The following MAP2K5 variants were observed in gnomAD, a reference collection of about 807,000 sequenced individuals.
The protein encoded by MAP2K5 is mitogen-activated protein kinase kinase 5.
MAP2K5 carries 49 observed loss-of-function variants against 83.1 expected under a neutral mutation model. The observed-to-expected ratio is 0.59, with a 90% CI of 0.47 to 0.75. MAP2K5 has a LOEUF of 0.75. Ranked by LOEUF, MAP2K5 falls within the 30% of genes least tolerant of loss-of-function variation. The pLI is 0.00. For missense variants in MAP2K5, 457 were observed against 557.5 expected, an observed-to-expected ratio of 0.82 and a Z score of 1.82; for synonymous variants, 202 against 191.8, an observed-to-expected ratio of 1.05 and a Z score of -0.44.
Position 67,749,638 on chromosome 15 carries a change from A to G in MAP2K5, c.1134+1037A>G, listed in dbSNP as rs1178408027. On this transcript the variant is annotated intron_variant, in intron 19 of 21. Transcript: ENST00000178640. The surrounding 1 kb of genome is among the most constrained non-coding windows in gnomAD (Gnocchi z 4.6). Reference sequence around the variant, plus strand: ...TAAGAGTGGGGCTCTAACATCCTTAATGGTTGCATCAGTCAGTCCATATAT... The same window carrying G: ...TAAGAGTGGGGCTCTAACATCCTTAGTGGTTGCATCAGTCAGTCCATATAT... Among the ~76,000 whole-genome samples the G allele has an allele frequency of 2.0e-5, 3 of 152,308 alleles. No individual in the cohort carries two copies. Among genetic ancestry groups the G allele is most frequent in the Admixed American group, 1.3e-4 (2 of 15,296 alleles).
intron 8 of MAP2K5, among the ~76,000 whole-genome samples, chr15:67,601,223 CCT>C (rs1161610904): frequency 1.3e-5 from 2 of 152,114 alleles, no homozygotes; most frequent in Non-Finnish European, 2.9e-5. Context: ...ACCCTACTCC[CCT>C]GAGATAATTT....
chr15:67,748,542 T>C lies in MAP2K5; in HGVS notation c.1102-27T>C, dbSNP rs777473373. ...AAAGATATTGCATAGAGGCTAATAC[T>C]TTTTCCTCTCTTCTTTTCCATTGCA... On this transcript the variant is annotated intron_variant, in intron 18 of 21. Coordinates refer to ENST00000178640, the MANE Select transcript of MAP2K5 (RefSeq NM_145160.3). This position sits in a 1 kb window ranked among gnomAD's most constrained non-coding sequence, Gnocchi z 4.0. 6.2e-7 allele frequency: 1 copy of C among 1,608,676 alleles called. No individual in the cohort carries two copies. The highest frequency in any genetic ancestry group is 8.5e-7 in the Non-Finnish European group (1 of 1,175,266).
At position 67,760,050 on chromosome 15, in the gene MAP2K5, A is replaced by T. The variant is rs1249647251; in HGVS notation, c.1135-9552A>T. ...ATGTAAGGCAATCTTTAGAAATCTA[A>T]TACCTTCTTTGAAAAGTCCAGTGTG... On this transcript the variant is annotated intron_variant, in intron 19 of 21. Transcript: ENST00000178640. This position sits in a 1 kb window ranked among gnomAD's most constrained non-coding sequence, Gnocchi z 4.1. 6.6e-6 allele frequency among the ~76,000 whole-genome samples: 1 copy of T among 152,250 alleles called. No homozygotes were observed. The highest frequency in any genetic ancestry group is 1.5e-5 in the Non-Finnish European group (1 of 68,046).
At chr15:67,603,174 A>C (rs1461888602) in intron 8 of MAP2K5, among the ~76,000 whole-genome samples, 1 of 152,230 alleles carries the variant, frequency 6.6e-6, no homozygotes, top group Admixed American at 6.5e-5. Context: ...AACACCATTC[A>C]TCCACAGAAC....
intron 17 of MAP2K5, among the ~76,000 whole-genome samples, chr15:67,742,424 A>G (rs549313812): frequency 1.4e-4 from 21 of 152,344 alleles, no homozygotes; most frequent in African/African-American, 3.4e-4. Flanking sequence ...ACATTTTGAA[A>G]CATTAAAATG....
intron 11 of MAP2K5, among the ~76,000 whole-genome samples, chr15:67,646,761 T>G (rs2086840449): frequency 6.6e-6 from 1 of 152,206 alleles, no homozygotes. Context: ...CAATCTGTCT[T>G]TACTTGCAAA....
At chr15:67,618,052 A>G (rs1051949440) in intron 8 of MAP2K5, among the ~76,000 whole-genome samples, 3 of 152,206 alleles carry the variant, frequency 2.0e-5, no homozygotes, top group Non-Finnish European at 4.4e-5. Flanking sequence ...GTAATGATGT[A>G]TCTTTTAATA....
At chr15:67,659,695 T>G (rs753632890) in intron 12 of MAP2K5, among the ~76,000 whole-genome samples, 22 of 152,074 alleles carry the variant, frequency 1.4e-4, no homozygotes, top group Non-Finnish European at 2.2e-4. Context: ...GCTGTAAAGT[T>G]TAATAACATG....
chr15:67,670,407 ATG>A (rs1567349643), intron 13 of MAP2K5: 1 of 455,728 alleles, frequency 2.2e-6, no homozygotes, highest in Admixed American at 2.4e-5. Context: ...ACATGGTTAT[ATG>A]TGTTTTTTAG....
In MAP2K5 at chr15:67,778,739, G is replaced by A. The variant is rs2090278517; in HGVS notation, c.1242+5987G>A. 6.6e-6 allele frequency among the ~76,000 whole-genome samples: 1 copy of A among 152,172 alleles called. No individual in the cohort carries two copies. The highest frequency in any genetic ancestry group is 2.1e-4 in the South Asian group (1 of 4,830). ...CACGGGGCTCAGATCAATTCAAAAT[G>A]ATCACCACATTCTACTAAACATGCC... On this transcript the variant is annotated intron_variant, in intron 21 of 21. Transcript: ENST00000178640. The surrounding 1 kb of genome is among the most constrained non-coding windows in gnomAD (Gnocchi z 5.0).
Position 67,786,774 on chromosome 15 carries a change from G to A in MAP2K5, c.1242+14022G>A, listed in dbSNP as rs150349818. Reference sequence around the variant, plus strand: ...TGCTTATCTACAAAAATAGAGTATCGCAAAGCATGAAATTTAAGTGAGATA... The same window carrying A: ...TGCTTATCTACAAAAATAGAGTATCACAAAGCATGAAATTTAAGTGAGATA... On this transcript the variant is annotated intron_variant, in intron 21 of 21. Transcript: ENST00000178640. This position sits in a 1 kb window ranked among gnomAD's most constrained non-coding sequence, Gnocchi z 4.7. 3.6e-3 allele frequency among the ~76,000 whole-genome samples: 542 copies of A among 152,242 alleles called. 4 individuals are homozygous for A. Among genetic ancestry groups the A allele is most frequent in the Non-Finnish European group, 5.6e-3 (383 of 68,024 alleles).
intron 21 of MAP2K5, among the ~76,000 whole-genome samples, chr15:67,776,588 T>C (rs1013057096): frequency 6.6e-6 from 1 of 152,148 alleles, no homozygotes; most frequent in African/African-American, 2.4e-5. Context: ...AACATAAAAA[T>C]CAGACCCTTA....
rs2089858823 is a variant in MAP2K5 at position 67,757,293 on chromosome 15, A to T, written c.1134+8692A>T. Among the ~76,000 whole-genome samples, 1 of 152,204 alleles carries T rather than the reference A, an allele frequency of 6.6e-6. No homozygotes were observed. Among genetic ancestry groups the T allele is most frequent in the Non-Finnish European group, 1.5e-5 (1 of 68,026 alleles). On this transcript the variant is annotated intron_variant, in intron 19 of 21. Transcript: ENST00000178640. The surrounding 1 kb of genome is among the most constrained non-coding windows in gnomAD (Gnocchi z 4.9). Reference sequence around the variant, plus strand: ...TGGTTTTTATTTGCATAAAAATAGTATTTCTAGAAGACATTTGCAAATCAG... The same window carrying T: ...TGGTTTTTATTTGCATAAAAATAGTTTTTCTAGAAGACATTTGCAAATCAG...
At chr15:67,549,448 T>G (rs992660104) in intron 1 of MAP2K5, among the ~76,000 whole-genome samples, 3 of 152,236 alleles carry the variant, frequency 2.0e-5, no homozygotes, top group African/African-American at 7.2e-5. Context: ...TCATGGAAAC[T>G]TGGGTGTCGA....
At chr15:67,759,105 G>A (rs1956338879) in intron 19 of MAP2K5, among the ~76,000 whole-genome samples, 2 of 152,196 alleles carry the variant, frequency 1.3e-5, no homozygotes, top group Middle Eastern at 3.4e-3. Context: ...CAATAAGTTT[G>A]GCTCTTAAAT....
At chr15:67,669,449 A>G (rs1032481536) in intron 13 of MAP2K5, among the ~76,000 whole-genome samples, 1 of 152,148 alleles carries the variant, frequency 6.6e-6, no homozygotes, top group Non-Finnish European at 1.5e-5. Flanking sequence ...AAGTAGATAT[A>G]TGAGAAACAG....
chr15:67,791,585 T>C (rs2090519792), intron 21 of MAP2K5, among the ~76,000 whole-genome samples: 1 of 152,192 alleles, frequency 6.6e-6, no homozygotes, highest in Non-Finnish European at 1.5e-5. Flanking sequence ...TGCTATTATA[T>C]TGCACATCAT....
chr15:67,543,714 G>A lies in MAP2K5; in HGVS notation c.135+244G>A, dbSNP rs962671597. ...CCTGCCCTCAGAGAGCTCATGGCCC[G>A]GGCTGGGACACACATATAGACACAA... On this transcript the variant is annotated intron_variant, in intron 1 of 21. Transcript: ENST00000178640. The surrounding 1 kb of genome is among the most constrained non-coding windows in gnomAD (Gnocchi z 4.3). Among the ~76,000 whole-genome samples the A allele has an allele frequency of 2.0e-5, 3 of 152,170 alleles. No homozygotes were observed. The highest frequency in any genetic ancestry group is 7.2e-5 in the African/African-American group (3 of 41,428).
At chr15:67,556,914 A>G (rs2084639714) in intron 2 of MAP2K5, among the ~76,000 whole-genome samples, 1 of 151,970 alleles carries the variant, frequency 6.6e-6, no homozygotes, top group Non-Finnish European at 1.5e-5. Context: ...TCAGGTGGGG[A>G]TCCAACTTTA....
Sources: allele counts gnomAD v4.1 joint callset (sites outside exome capture counted in the v4.1 genomes callset), GRCh38; gene constraint gnomAD v4.1.1; non-coding constraint Gnocchi (gnomAD v3.1); transcripts MANE v1.5; gene names NCBI Gene and HGNC (gene_info 2026-07-23, HGNC 2026-07-21).